The following HIVEP2 variants were observed in gnomAD, a reference collection of about 807,000 sequenced individuals.
HIVEP2 encodes transcription factor HIVEP2.
HIVEP2 carries 14 observed loss-of-function variants against 180.7 expected under a neutral mutation model. That is an observed-to-expected ratio of 0.08 (90% confidence interval 0.05 to 0.12). The LOEUF is 0.12. Among genes scored for constraint, HIVEP2 ranks in the 10% least tolerant of loss-of-function variants. HIVEP2 has a pLI of 1.00. For missense variants in HIVEP2, 2,579 were observed against 3,008.5 expected, an observed-to-expected ratio of 0.86 and a Z score of 3.34; for synonymous variants, 1,184 against 1,136.4, an observed-to-expected ratio of 1.04 and a Z score of -0.84.
intron 1 of HIVEP2, among the ~76,000 whole-genome samples, chr6:142,928,235 A>G (rs1005303809): frequency 6.6e-6 from 1 of 152,222 alleles, no homozygotes; most frequent in Non-Finnish European, 1.5e-5. Flanking sequence ...TGAGAAGCTA[A>G]AACTACCCTA....
intron 1 of HIVEP2, among the ~76,000 whole-genome samples, chr6:142,894,018 A>G (rs1776925217): frequency 6.6e-6 from 1 of 152,198 alleles, no homozygotes; most frequent in South Asian, 2.1e-4. Context: ...CGCTCACTTA[A>G]TCATCCTAAC....
intron 4 of HIVEP2, among the ~76,000 whole-genome samples, chr6:142,775,813 G>A (rs1377778867): frequency 2.2e-5 from 3 of 137,620 alleles, no homozygotes; most frequent in African/African-American, 5.7e-5. Flanking sequence ...GCAGCCTGGC[G>A]ACAGAGCGAG....
chr6:142,893,445 A>G (rs1582946905), intron 1 of HIVEP2, among the ~76,000 whole-genome samples: 1 of 152,174 alleles, frequency 6.6e-6, no homozygotes, highest in East Asian at 1.9e-4. Flanking sequence ...GTAACAGCTA[A>G]TTATCAAGCA....
intron 1 of HIVEP2, among the ~76,000 whole-genome samples, chr6:142,859,956 T>C (rs1317631362): frequency 6.6e-6 from 1 of 151,972 alleles, no homozygotes; most frequent in African/African-American, 2.4e-5. Context: ...CCTTTGAAAG[T>C]TCCTGAAAAG....
At chr6:142,756,767 T>C (rs1451647981) in intron 9 of HIVEP2, among the ~76,000 whole-genome samples, 1 of 152,148 alleles carries the variant, frequency 6.6e-6, no homozygotes, top group Non-Finnish European at 1.5e-5. Context: ...AAAAATTCAG[T>C]AGATACTGAA....
At chr6:142,823,866 T>C (rs1777109342) in intron 2 of HIVEP2, among the ~76,000 whole-genome samples, 1 of 152,334 alleles carries the variant, frequency 6.6e-6, no homozygotes, top group South Asian at 2.1e-4. Flanking sequence ...CAAAAAAATA[T>C]TAAAAAGCTT....
At chr6:142,899,288 C>A (rs1777073198) in intron 1 of HIVEP2, among the ~76,000 whole-genome samples, 1 of 152,216 alleles carries the variant, frequency 6.6e-6, no homozygotes, top group Admixed American at 6.5e-5. Flanking sequence ...CAAATTCCCA[C>A]CCATCCTGCA....
chr6:142,928,442 T>C (rs1196635407), intron 1 of HIVEP2, among the ~76,000 whole-genome samples: 3 of 152,172 alleles, frequency 2.0e-5, no homozygotes, highest in Admixed American at 2.0e-4. Flanking sequence ...GTTTAGAAGG[T>C]TACTGAAATT....
chr6:142,802,797 T>C (rs1776446335), intron 2 of HIVEP2, among the ~76,000 whole-genome samples: 1 of 152,074 alleles, frequency 6.6e-6, no homozygotes, highest in African/African-American at 2.4e-5. Flanking sequence ...AAGATAAAAA[T>C]AATGTGATAG....
Position 142,768,516 on chromosome 6 carries a change from A to T in HIVEP2, c.5208T>A (p.Phe1736Leu). Residue 1736 changes from phenylalanine (F) to leucine (L), a missense_variant, in exon 6 of 10, where the codon TTT becomes TTA. By Grantham distance (22) the Phe-to-Leu change is conservative. Around this residue, in one of 11 missense-constraint regions of HIVEP2, gnomAD observed 349 missense variants for 367.2 expected, o/e 0.95. Coordinates refer to ENST00000367603, the MANE Select transcript of HIVEP2 (RefSeq NM_006734.4). ...TCCTTTCTAGTTTGCTGCCAAATAA[A>T]AAGGACGCATCAGGTTTCATCTGTA... ...QFTQMKPDAS[F>L]LFGSKLERKL... 6.8e-6 allele frequency: 11 copies of T among 1,613,558 alleles called. No individual in the cohort carries two copies. The highest frequency in any genetic ancestry group is 9.3e-6 in the Non-Finnish European group (11 of 1,179,738).
At chr6:142,782,612 T>C (rs1775885914) in intron 3 of HIVEP2, among the ~76,000 whole-genome samples, 1 of 152,202 alleles carries the variant, frequency 6.6e-6, no homozygotes, top group Non-Finnish European at 1.5e-5. Flanking sequence ...AAGTTGTCTA[T>C]ATGGAGAAAA....
intron 2 of HIVEP2, among the ~76,000 whole-genome samples, chr6:142,798,517 T>C (rs980096261): frequency 6.6e-6 from 1 of 152,120 alleles, no homozygotes; most frequent in South Asian, 2.1e-4. Context: ...GCTTCCCCCT[T>C]TCTAGATCCA....
At chr6:142,931,623 AT>A (rs1221940330) in intron 1 of HIVEP2, among the ~76,000 whole-genome samples, 3 of 152,202 alleles carry the variant, frequency 2.0e-5, no homozygotes, top group Non-Finnish European at 4.4e-5. Context: ...GTATATAAAA[AT>A]AATATGCCAA....
chr6:142,763,644 T>C (rs755422211), intron 7 of HIVEP2, among the ~76,000 whole-genome samples: 5 of 152,216 alleles, frequency 3.3e-5, no homozygotes, highest in African/African-American at 4.8e-5. Flanking sequence ...GTAATGACTA[T>C]TGAATTGCAA....
At chr6:142,839,982 A>G (rs1207242646) in intron 1 of HIVEP2, among the ~76,000 whole-genome samples, 2 of 152,116 alleles carry the variant, frequency 1.3e-5, no homozygotes, top group Non-Finnish European at 2.9e-5. Flanking sequence ...ATGGCTAGCA[A>G]GAGTTTACTG....
At chr6:142,862,327 T>C (rs1775999731) in intron 1 of HIVEP2, among the ~76,000 whole-genome samples, 1 of 151,262 alleles carries the variant, frequency 6.6e-6, no homozygotes, top group Non-Finnish European at 1.5e-5. Flanking sequence ...GCAAATCTAT[T>C]ATATATTATG....
intron 8 of HIVEP2, among the ~76,000 whole-genome samples, chr6:142,761,141 G>T (rs1253475562): frequency 1.3e-5 from 2 of 152,148 alleles, no homozygotes; most frequent in African/African-American, 4.8e-5. Flanking sequence ...ACATTAAAAT[G>T]CTTTTCAAAT....
chr6:142,881,102 C>G (rs1776565467), intron 1 of HIVEP2, among the ~76,000 whole-genome samples: 1 of 152,066 alleles, frequency 6.6e-6, no homozygotes, highest in Non-Finnish European at 1.5e-5. Context: ...GTTTCTGAAC[C>G]TTCTTAAGCT....
chr6:142,785,379 T>G (rs1775974912), intron 2 of HIVEP2, among the ~76,000 whole-genome samples: 1 of 134,114 alleles, frequency 7.5e-6, no homozygotes, highest in Admixed American at 7.8e-5. Context: ...TATTTTGTAC[T>G]CCAAGCAAAA....
Sources: allele counts gnomAD v4.1 joint callset (sites outside exome capture counted in the v4.1 genomes callset), GRCh38; gene constraint gnomAD v4.1.1; regional missense constraint gnomAD v4.1.1; transcripts MANE v1.5; gene names NCBI Gene and HGNC (gene_info 2026-07-23, HGNC 2026-07-21).